The following PATJ variants were observed in gnomAD, a reference collection of about 807,000 sequenced individuals.
PATJ encodes the protein PATJ crumbs cell polarity complex component, also known as inaD-like protein.
In PATJ, 190 loss-of-function variants were observed where a neutral mutation model predicts 224.9. That is an observed-to-expected ratio of 0.84 (90% CI 0.75 to 0.95). The LOEUF (loss-of-function observed/expected upper bound fraction) is 0.95. Ranked by LOEUF, PATJ falls within the 40% of genes least tolerant of loss-of-function variation. PATJ has a pLI of 0.00. For missense variants in PATJ, 2,121 were observed against 2,270.3 expected, an observed-to-expected ratio of 0.93 and a Z score of 1.34; for synonymous variants, 769 against 820.3, an observed-to-expected ratio of 0.94 and a Z score of 1.07.
At chr1:61,980,013 C>T (rs1644364947) in intron 27 of PATJ, among the ~76,000 whole-genome samples, 1 of 151,996 alleles carries the variant, frequency 6.6e-6, no homozygotes, top group Non-Finnish European at 1.5e-5. Flanking sequence ...GTTTTATGAC[C>T]TGCTTCAGGG....
chr1:62,035,030 C>T (rs988292331), intron 29 of PATJ, among the ~76,000 whole-genome samples: 26 of 152,274 alleles, frequency 1.7e-4, no homozygotes, highest in Admixed American at 6.5e-4. Context: ...TGTTGGCTTT[C>T]GGCCCTAAGC....
chr1:62,147,918 G>A (rs530871193), intron 41 of PATJ, among the ~76,000 whole-genome samples: 12 of 151,516 alleles, frequency 7.9e-5, no homozygotes, highest in East Asian at 3.9e-4. Flanking sequence ...AGCTGAGATC[G>A]CGCCATTGCA....
chr1:62,000,568 G>A lies in PATJ; in HGVS notation c.3867+10204G>A, dbSNP rs180861246. 6.4e-4 allele frequency among the ~76,000 whole-genome samples: 96 copies of A among 150,976 alleles called. 2 individuals are homozygous for A. Among genetic ancestry groups the A allele is most frequent in the African/African-American group, 2.3e-3 (92 of 40,472 alleles). On this transcript the variant is annotated intron_variant, in intron 28 of 43. Transcript: ENST00000642238. ...CTGCATAGTATTCCATGGTGTGCACGTGCCACATTTTCTTAATCCAGCCTA... is the reference window on the plus strand; with the variant it reads ...CTGCATAGTATTCCATGGTGTGCACATGCCACATTTTCTTAATCCAGCCTA...
At chr1:61,983,998 A>C (rs1288981718) in intron 27 of PATJ, among the ~76,000 whole-genome samples, 1 of 151,424 alleles carries the variant, frequency 6.6e-6, no homozygotes, top group Non-Finnish European at 1.5e-5. Flanking sequence ...CTGATGTTTT[A>C]ATTTTTTGTA....
intron 27 of PATJ, among the ~76,000 whole-genome samples, chr1:61,941,282 C>T (rs1164232134): frequency 1.3e-5 from 2 of 152,170 alleles, no homozygotes; most frequent in African/African-American, 2.4e-5. Context: ...TATGGCATAA[C>T]TTTATTATTC....
chr1:61,871,288 C>T lies in PATJ; in HGVS notation c.2836-3955C>T, dbSNP rs544773784. 9.8e-5 allele frequency among the ~76,000 whole-genome samples: 14 copies of T among 142,760 alleles called. No individual in the cohort carries two copies. The South Asian group carries it at 2.6e-3, about 27-fold the overall frequency. The allele number at this position is 142,760 out of a possible 152,430, so 93.7% of individuals were successfully genotyped here. A position where few individuals can be genotyped will look rare whatever the true frequency, so the allele number is the denominator to read the frequency against. On this transcript the variant is annotated intron_variant, in intron 20 of 43. Coordinates refer to ENST00000642238, the MANE Select transcript of PATJ (RefSeq NM_001350145.3). ...GTGCAATGGTGCAATCTTGGCTCAC[C>T]GCAACCTCTGCCACCCAGGTTCAAG... is the stretch of plus-strand genomic sequence containing the variant.
intron 7 of PATJ, among the ~76,000 whole-genome samples, chr1:61,786,012 CTTAT>C (rs1009652758): frequency 6.6e-6 from 1 of 151,942 alleles, no homozygotes; most frequent in Admixed American, 6.6e-5. Context: ...GGAATCTTGA[CTTAT>C]TTATTTATTT....
At chr1:61,789,734 C>T (rs777258563) in intron 8 of PATJ, among the ~76,000 whole-genome samples, 2 of 152,046 alleles carry the variant, frequency 1.3e-5, no homozygotes, top group Non-Finnish European at 2.9e-5. Context: ...ATCACTTGAA[C>T]CTGGGAGTTG....
intron 15 of PATJ, among the ~76,000 whole-genome samples, chr1:61,826,658 T>G (rs1281782150): frequency 6.6e-6 from 1 of 152,156 alleles, no homozygotes; most frequent in Non-Finnish European, 1.5e-5. Flanking sequence ...AATATGAAAT[T>G]TAGATAATTT....
At chr1:61,866,874 G>T (rs866003536) in intron 20 of PATJ, among the ~76,000 whole-genome samples, 10 of 152,288 alleles carry the variant, frequency 6.6e-5, no homozygotes, top group African/African-American at 2.4e-4. Context: ...GTTATTTTTT[G>T]ATTATATGCT....
At chr1:62,085,919 TTTTTAGA>T (rs1250860831) in intron 33 of PATJ, among the ~76,000 whole-genome samples, 2 of 152,156 alleles carry the variant, frequency 1.3e-5, no homozygotes, top group Non-Finnish European at 2.9e-5. Flanking sequence ...CTCATAATTT[TTTTTAGA>T]AGTCGGTGTA....
intron 16 of PATJ, among the ~76,000 whole-genome samples, chr1:61,832,562 G>A (rs1192481442): frequency 6.6e-6 from 1 of 152,092 alleles, no homozygotes; most frequent in Admixed American, 6.6e-5. Context: ...TTGAGAAGGA[G>A]TTTCAAGAGA....
Position 62,117,188 on chromosome 1 carries a change from C to T in PATJ, c.4860C>T (p.Thr1620=). The T allele has an allele frequency of 3.7e-6, 6 of 1,614,070 alleles. No individual in the cohort carries two copies. Among genetic ancestry groups the T allele is most frequent in the South Asian group, 2.2e-5 (2 of 91,072 alleles). ...EIGRLRAGSW[T]SARTTSQNSQ... ...GAAGACTCCGAGCTGGTTCCTGGAC[C>T]TCCGCAAGGACGACATCACAGAACA... Residue 1620 remains threonine (T), a synonymous_variant, in exon 37 of 44, where the codon ACC becomes ACT. Transcript: ENST00000642238.
intron 20 of PATJ, chr1:61,865,550 A>G (rs916890789): frequency 6.6e-6 from 1 of 152,152 alleles, no homozygotes; most frequent in East Asian, 1.9e-4. Flanking sequence ...AGCGAAGAGC[A>G]TTATATTTTA....
At chr1:61,991,032 C>T (rs1558003389) in intron 28 of PATJ, among the ~76,000 whole-genome samples, 1 of 152,152 alleles carries the variant, frequency 6.6e-6, no homozygotes, top group South Asian at 2.1e-4. Flanking sequence ...TGTTCATTCA[C>T]TCATTCTTTC....
chr1:61,886,520 T>G (rs958093347), intron 22 of PATJ, among the ~76,000 whole-genome samples: 1 of 152,062 alleles, frequency 6.6e-6, no homozygotes, highest in Non-Finnish European at 1.5e-5. Flanking sequence ...GACTAGTGTT[T>G]TGAAAATCCT....
rs749426988 is a variant in PATJ at position 61,771,493 on chromosome 1, A to G, written c.587A>G (p.Asn196Ser). 1.9e-6 allele frequency: 3 copies of G among 1,613,098 alleles called. No individual in the cohort carries two copies. Among genetic ancestry groups the G allele is most frequent in the South Asian group, 1.1e-5 (1 of 90,874 alleles). Residue 196 changes from asparagine to serine, a missense_variant, in exon 6 of 44, where the codon AAC becomes AGC. Transcript: ENST00000642238. ...LAINHTPLDQ[N>S]ISHQQAIALL... The stretch of plus-strand genomic sequence containing the variant: ...ATTAATCACACGCCATTGGATCAGA[A>G]CATTTCCCATCAGCAAGCAATTGCA...
intron 3 of PATJ, among the ~76,000 whole-genome samples, chr1:61,764,932 C>A (rs936706005): frequency 1.3e-5 from 2 of 151,958 alleles, no homozygotes; most frequent in African/African-American, 4.8e-5. Context: ...CTGTAACTAC[C>A]CTATCCTAAT....
Position 62,135,641 on chromosome 1 carries a change from G to A in PATJ, c.5271+6696G>A, listed in dbSNP as rs570753182. On this transcript the variant is annotated intron_variant, in intron 41 of 43. Transcript: ENST00000642238. The stretch of plus-strand genomic sequence containing the variant: ...ACCTAGCCCAAGTTAGGTAGGAGAG[G>A]TAGGCTGTAGTGTCAGAAAGTCGTG... Among the ~76,000 whole-genome samples the A allele has an allele frequency of 2.4e-4, 37 of 152,270 alleles. No homozygotes were observed. In the South Asian group the frequency reaches 4.6e-3, roughly 19 times the overall value.
Sources: allele counts gnomAD v4.1 joint callset (sites outside exome capture counted in the v4.1 genomes callset), GRCh38; gene constraint gnomAD v4.1.1; transcripts MANE v1.5; gene names NCBI Gene and HGNC (gene_info 2026-07-23, HGNC 2026-07-21).